NR2C2: variants seen among roughly 807,000 people sequenced by gnomAD.
The protein encoded by NR2C2 is nuclear receptor subfamily 2 group C member 2, also known as Nuclear hormone receptor TR4.
A neutral mutation model predicts 62.9 loss-of-function variants in NR2C2; 6 were observed. The observed-to-expected ratio is 0.10, with a 90% confidence interval of 0.05 to 0.19. The LOEUF (loss-of-function observed/expected upper bound fraction) is 0.19. Among genes scored for constraint, NR2C2 ranks in the 10% least tolerant of loss-of-function variants. NR2C2 has a pLI of 1.00. For missense variants in NR2C2, 479 were observed against 762.7 expected (o/e 0.63, Z 4.38); for synonymous variants, 272 against 273.8 (o/e 0.99, Z 0.07).
intron 2 of NR2C2, chr3:15,004,485 T>C: frequency 7.2e-6 from 10 of 1,382,344 alleles, no homozygotes; most frequent in Non-Finnish European, 9.8e-6. Flanking sequence ...TATTTACTAA[T>C]TATATAATAA....
At chr3:14,960,941 A>G (rs1205723533) in intron 1 of NR2C2, among the ~76,000 whole-genome samples, 1 of 152,044 alleles carries the variant, frequency 6.6e-6, no homozygotes, top group East Asian at 1.9e-4. Flanking sequence ...AAAAAAGACC[A>G]AAAGGTATCT....
chr3:14,973,312 A>T (rs975792292), intron 1 of NR2C2, among the ~76,000 whole-genome samples: 6 of 151,978 alleles, frequency 3.9e-5, no homozygotes, highest in Non-Finnish European at 5.9e-5. Context: ...TCCAGCATAG[A>T]CTTCCTGGGC....
At chr3:15,016,281 C>G (rs1301192982) in intron 4 of NR2C2, 27 bp downstream of exon 4, 3 of 1,528,550 alleles carry the variant, frequency 2.0e-6, no homozygotes, top group Non-Finnish European at 2.7e-6. Context: ...TATGCTGGCA[C>G]TTATAATGGG....
chr3:15,032,311 A>G (rs956515386), intron 9 of NR2C2, 68 bp from the exon 10 acceptor site: 1 of 1,606,204 alleles, frequency 6.2e-7, no homozygotes, highest in Non-Finnish European at 8.5e-7. Context: ...ACAGGGATAC[A>G]TGTTGACAGA....
intron 1 of NR2C2, among the ~76,000 whole-genome samples, chr3:14,963,976 T>G (rs778567378): frequency 3.9e-5 from 6 of 152,096 alleles, no homozygotes; most frequent in African/African-American, 9.7e-5. Context: ...AGAAGATAGA[T>G]TTGACAAATA....
chr3:15,030,640 C>A (rs3773481), intron 9 of NR2C2, among the ~76,000 whole-genome samples, 188 bp downstream of exon 9: 11,551 of 152,136 alleles, frequency 0.076, 577 homozygotes, highest in East Asian at 0.13. Flanking sequence ...CCAGCCTGGC[C>A]AACATGGTGA....
intron 1 of NR2C2, among the ~76,000 whole-genome samples, chr3:14,953,799 G>A (rs547675896): frequency 6.6e-6 from 1 of 151,746 alleles, no homozygotes; most frequent in South Asian, 2.1e-4. Context: ...GGAGGCTGAG[G>A]CAGGAGAATC....
chr3:15,013,539 A>G (rs762047912), intron 2 of NR2C2, 50 bp from the exon 3 acceptor site: 6 of 1,556,746 alleles, frequency 3.9e-6, no homozygotes, highest in Non-Finnish European at 5.3e-6. Context: ...CTGCAAATGC[A>G]TGGGTCTTGT....
intron 1 of NR2C2, among the ~76,000 whole-genome samples, chr3:14,987,352 G>T (rs2040540511): frequency 6.6e-6 from 1 of 152,110 alleles, no homozygotes; most frequent in African/African-American, 2.4e-5. Context: ...CAGAGTGCTG[G>T]GATTAGAGGT....
At chr3:14,951,370 CAA>C (rs1428971595) in intron 1 of NR2C2, among the ~76,000 whole-genome samples, 1 of 152,114 alleles carries the variant, frequency 6.6e-6, no homozygotes, top group Non-Finnish European at 1.5e-5. Flanking sequence ...AAGTATACAT[CAA>C]GTTTCTACTC....
chr3:14,994,044 A>G (rs1300768224), intron 1 of NR2C2, among the ~76,000 whole-genome samples: 3 of 152,208 alleles, frequency 2.0e-5, no homozygotes, highest in African/African-American at 7.2e-5. Context: ...AACATGGCAC[A>G]GAGTAAGTGC....
intron 4 of NR2C2, among the ~76,000 whole-genome samples, chr3:15,017,367 A>G (rs928082292): frequency 7.9e-5 from 12 of 152,084 alleles, no homozygotes; most frequent in Non-Finnish European, 1.8e-4. Flanking sequence ...GCCCTTTCCT[A>G]CAGATTAATC....
At chr3:14,986,930 A>G (rs1559547122) in intron 1 of NR2C2, among the ~76,000 whole-genome samples, 3 of 152,204 alleles carry the variant, frequency 2.0e-5, no homozygotes, top group Admixed American at 1.3e-4. Flanking sequence ...TTAGCTTTGT[A>G]ATTGCAGAAG....
At chr3:14,963,567 C>G (rs1307988568) in intron 1 of NR2C2, among the ~76,000 whole-genome samples, 2 of 152,064 alleles carry the variant, frequency 1.3e-5, no homozygotes, top group African/African-American at 4.8e-5. Context: ...TTCCTGGGTT[C>G]ACACCATTCT....
At chr3:14,963,775 CA>C (rs1312170877) in intron 1 of NR2C2, among the ~76,000 whole-genome samples, 1 of 152,078 alleles carries the variant, frequency 6.6e-6, no homozygotes, top group Non-Finnish European at 1.5e-5. Context: ...GGCAAAGACA[CA>C]AATTTACGTT....
At chr3:14,997,770 ATAATATTT>A (rs1422747018) in intron 1 of NR2C2, among the ~76,000 whole-genome samples, 3 of 152,210 alleles carry the variant, frequency 2.0e-5, no homozygotes, top group Non-Finnish European at 4.4e-5. Flanking sequence ...GAATTAATTG[ATAATATTT>A]TATCAAATTG....
intron 1 of NR2C2, among the ~76,000 whole-genome samples, chr3:14,973,643 T>C (rs2040116076): frequency 6.6e-6 from 1 of 152,222 alleles, no homozygotes. Flanking sequence ...TTCTTTTGCA[T>C]GTGAATATCT....
At chr3:15,020,014 T>C (rs1026807868) in intron 4 of NR2C2, among the ~76,000 whole-genome samples, 1 of 152,194 alleles carries the variant, frequency 6.6e-6, no homozygotes, top group East Asian at 1.9e-4. Flanking sequence ...TTATGCCTCA[T>C]AAATATGGAC....
At chr3:15,032,780 C>A (rs1224761107) in intron 10 of NR2C2, among the ~76,000 whole-genome samples, 1 of 152,000 alleles carries the variant, frequency 6.6e-6, no homozygotes, top group Non-Finnish European at 1.5e-5. Context: ...AAGGGTAGTC[C>A]CCAGCACTGT....
Sources: allele counts gnomAD v4.1 joint callset (sites outside exome capture counted in the v4.1 genomes callset), GRCh38; gene constraint gnomAD v4.1.1; transcripts MANE v1.5; gene names NCBI Gene and HGNC (gene_info 2026-07-23, HGNC 2026-07-21).